VRTN: variants seen among roughly 807,000 people sequenced by gnomAD.
The protein encoded by VRTN is vertnin.
Under a neutral mutation model 18.2 loss-of-function variants are expected in VRTN, and 5 were observed. The observed-to-expected ratio is 0.27, with a 90% confidence interval of 0.14 to 0.58. The LOEUF is 0.58. VRTN is among the 20% of genes least tolerant of loss of function. The pLI is 0.91. For synonymous variants in VRTN, 381 were observed against 393.7 expected (o/e 0.97, Z 0.38); for missense variants, 741 against 939.4 (o/e 0.79, Z 2.76).
chr14:74,341,264 C>A (rs2085603950), intron 2 of VRTN, among the ~76,000 whole-genome samples: 1 of 152,158 alleles, frequency 6.6e-6, no homozygotes, highest in Non-Finnish European at 1.5e-5. Flanking sequence ...CCATCATTTT[C>A]TAAGAGAGCA....
At chr14:74,339,719 C>T (rs1043169273) in intron 2 of VRTN, among the ~76,000 whole-genome samples, 1 of 152,012 alleles carries the variant, frequency 6.6e-6, no homozygotes, top group Non-Finnish European at 1.5e-5. Flanking sequence ...GAGGCTGAGG[C>T]GGGAGGATCG....
Position 74,359,004 on chromosome 14 carries a change from T to C in VRTN, c.*112T>C. 3 of 1,458,294 alleles carry C rather than the reference T, an allele frequency of 2.1e-6. No individual in the cohort carries two copies. Among genetic ancestry groups the C allele is most frequent in the Non-Finnish European group, 1.8e-6 (2 of 1,102,798 alleles). 90.3% of individuals were successfully genotyped at this position (1,458,294 alleles called of 1,614,324 possible). A position where few individuals can be genotyped will look rare whatever the true frequency, so the allele number is the denominator to read the frequency against. ...GTCCTTTGCTCTGGGTCCCACAGTG[T>C]CTACCCTAAGTCCAAGGGTATATTT... On this transcript the variant is annotated 3_prime_UTR_variant, in exon 2 of 2. Coordinates refer to ENST00000256362, the MANE Select transcript of VRTN (RefSeq NM_018228.3).
intron 1 of VRTN, among the ~76,000 whole-genome samples, chr14:74,325,551 T>G (rs1232942063): frequency 6.6e-6 from 1 of 151,974 alleles, no homozygotes; most frequent in Non-Finnish European, 1.5e-5. Context: ...CTCACGCCTG[T>G]TACCCCAGCA....
intron 1 of VRTN, among the ~76,000 whole-genome samples, chr14:74,333,110 C>T (rs964591659): frequency 8.5e-5 from 13 of 152,168 alleles, no homozygotes; most frequent in Non-Finnish European, 1.8e-4. Flanking sequence ...ATGCCAGGCA[C>T]GGTGGCTCAT....
chr14:74,358,243 C>T lies in VRTN; in HGVS notation c.1460C>T (p.Thr487Ile). Residue 487 changes from threonine to isoleucine, a missense_variant, in exon 2 of 2, where the codon ACA (threonine) becomes ATA (isoleucine). By Grantham distance (89) the Thr-to-Ile change is moderately conservative. Transcript: ENST00000256362. This position sits in a 1 kb window ranked among gnomAD's most constrained non-coding sequence, Gnocchi z 5.4. ...GCGGAAGAGGGGGCAGGGAATGCCA[C>T]AGGTGAGGACCCTCCCGCCCCCGGG... is the stretch of plus-strand genomic sequence containing the variant. ...SEAEEGAGNATGEDPPAPGEL... is the reference protein window; with the variant it reads ...SEAEEGAGNAIGEDPPAPGEL... 6.2e-7 allele frequency: 1 copy of T among 1,611,706 alleles called. No homozygotes were observed. Among genetic ancestry groups the T allele is most frequent in the South Asian group, 1.1e-5 (1 of 91,026 alleles).
intron 1 of VRTN, among the ~76,000 whole-genome samples, chr14:74,332,335 GTTTTT>G (rs67857502): frequency 1.3e-4 from 5 of 39,588 alleles, no homozygotes; most frequent in African/African-American, 4.0e-4. Context: ...CTCCTAATCT[GTTTTT>G]TTTTTTTTTT....
intron 1 of VRTN, among the ~76,000 whole-genome samples, chr14:74,304,578 G>C (rs1037287257): frequency 2.5e-4 from 38 of 152,164 alleles, no homozygotes; most frequent in Non-Finnish European, 5.9e-5. Context: ...TGCAATGTAG[G>C]ATGTTTAGCT....
intron 1 of VRTN, among the ~76,000 whole-genome samples, chr14:74,328,119 C>T (rs2085499026): frequency 6.6e-6 from 1 of 152,174 alleles, no homozygotes; most frequent in African/African-American, 2.4e-5. Flanking sequence ...TATGTTCCAC[C>T]TCTTCTGAGA....
At chr14:74,311,763 A>G (rs925481090) in intron 1 of VRTN, among the ~76,000 whole-genome samples, 7 of 144,998 alleles carry the variant, frequency 4.8e-5, no homozygotes, top group Non-Finnish European at 1.1e-4. Context: ...CCATATCAGC[A>G]TATACAGACT....
intron 1 of VRTN, among the ~76,000 whole-genome samples, chr14:74,333,149 G>A (rs536966794): frequency 7.2e-5 from 11 of 152,304 alleles, no homozygotes; most frequent in African/African-American, 2.4e-4. Flanking sequence ...TTAGGAGGCC[G>A]AGGCGGGCGG....
intron 1 of VRTN, among the ~76,000 whole-genome samples, chr14:74,325,552 T>G (rs527993006): frequency 6.6e-6 from 1 of 151,924 alleles, no homozygotes; most frequent in Non-Finnish European, 1.5e-5. Flanking sequence ...TCACGCCTGT[T>G]ACCCCAGCAC....
At chr14:74,353,962 C>A (rs1173889251) in intron 1 of VRTN, among the ~76,000 whole-genome samples, 1 of 152,090 alleles carries the variant, frequency 6.6e-6, no homozygotes, top group Non-Finnish European at 1.5e-5. Context: ...TTAGTAGAGA[C>A]AGAGTTTCAC....
chr14:74,323,843 G>A (rs563991643), intron 1 of VRTN, among the ~76,000 whole-genome samples: 8 of 152,228 alleles, frequency 5.3e-5, no homozygotes, highest in African/African-American at 1.9e-4. Flanking sequence ...CAATATTTGG[G>A]ACATGCAATA....
intron 1 of VRTN, chr14:74,337,610 C>T (rs2085573773): frequency 1.3e-5 from 2 of 152,122 alleles, no homozygotes; most frequent in Admixed American, 6.6e-5. Context: ...GGGGAAGGAC[C>T]ACAAGCCCTT....
At chr14:74,336,224 A>G (rs1386446590) in intron 1 of VRTN, among the ~76,000 whole-genome samples, 2 of 151,804 alleles carry the variant, frequency 1.3e-5, no homozygotes, top group Non-Finnish European at 2.9e-5. Flanking sequence ...CCTGACCAAC[A>G]TGGAGAAACC....
intron 1 of VRTN, among the ~76,000 whole-genome samples, chr14:74,304,259 C>A (rs1218117500): frequency 6.6e-6 from 1 of 151,902 alleles, no homozygotes; most frequent in African/African-American, 2.4e-5. Context: ...CGGGTTCAAG[C>A]GATTCTCCTG....
chr14:74,353,703 T>C (rs1419010103), intron 1 of VRTN, among the ~76,000 whole-genome samples: 2 of 152,080 alleles, frequency 1.3e-5, no homozygotes, highest in Admixed American at 1.3e-4. Context: ...TTATGAGAAG[T>C]GACATTTCCA....
At chr14:74,334,583 G>A (rs1260745994) in intron 1 of VRTN, among the ~76,000 whole-genome samples, 1 of 152,160 alleles carries the variant, frequency 6.6e-6, no homozygotes. Context: ...GTGACCCTGA[G>A]TCTGAGAGAA....
chr14:74,352,444 T>A (rs935673404), intron 1 of VRTN, among the ~76,000 whole-genome samples: 2 of 152,246 alleles, frequency 1.3e-5, no homozygotes, highest in African/African-American at 4.8e-5. Flanking sequence ...CCCAAAGTGC[T>A]GGGATTACAG....
Sources: gnomAD v4.1 joint callset for allele counts (sites outside exome capture counted in the v4.1 genomes callset) on GRCh38, gnomAD v4.1.1 for gene constraint, Gnocchi (gnomAD v3.1) non-coding constraint, MANE v1.5 for transcripts, NCBI Gene and HGNC (gene_info 2026-07-23, HGNC 2026-07-21) for gene names.